PTPRG: variants seen among roughly 807,000 people sequenced by gnomAD.
PTPRG encodes the protein protein tyrosine phosphatase receptor type G.
PTPRG carries 102 observed loss-of-function variants against 165.3 expected under a neutral mutation model. The ratio of observed to expected loss-of-function variants is 0.62; its 90% CI spans 0.53 to 0.73. The LOEUF is 0.73. PTPRG is among the 30% of genes least tolerant of loss of function. PTPRG has a pLI of 0.00. For synonymous variants in PTPRG, 675 were observed against 669.5 expected (o/e 1.01, Z -0.13); for missense variants, 1,866 against 1,861.4 (o/e 1.00, Z -0.05).
intron 1 of PTPRG, among the ~76,000 whole-genome samples, chr3:61,718,851 A>T (rs1054184046): frequency 3.9e-5 from 6 of 152,162 alleles, no homozygotes; most frequent in Non-Finnish European, 8.8e-5. Context: ...GTTCAATGCT[A>T]TTGACTTCCC....
At chr3:61,653,239 C>T (rs1702409364) in intron 1 of PTPRG, among the ~76,000 whole-genome samples, 1 of 152,008 alleles carries the variant, frequency 6.6e-6, no homozygotes, top group Admixed American at 6.5e-5. Context: ...TTAGTCAAGA[C>T]ATCCTGTCTG....
At chr3:62,054,803 A>C (rs1275772586) in intron 4 of PTPRG, among the ~76,000 whole-genome samples, 1 of 152,208 alleles carries the variant, frequency 6.6e-6, no homozygotes, top group Non-Finnish European at 1.5e-5. Context: ...AGGGAATTCA[A>C]AGATGTGGTT....
intron 2 of PTPRG, among the ~76,000 whole-genome samples, chr3:61,901,857 A>G (rs2038506431): frequency 1.3e-5 from 2 of 152,236 alleles, no homozygotes; most frequent in Non-Finnish European, 2.9e-5. Context: ...ACTGCTAGAT[A>G]TCTGGACCTT....
At chr3:62,193,650 A>G (rs1181834600) in intron 9 of PTPRG, among the ~76,000 whole-genome samples, 1 of 152,206 alleles carries the variant, frequency 6.6e-6, no homozygotes. Flanking sequence ...CGCCTTTTCC[A>G]AACGAGATCA....
chr3:61,752,803 A>AAAAAAAAAAAAAAAAAAAAAAG (rs1559592577), intron 2 of PTPRG, among the ~76,000 whole-genome samples: 2 of 33,132 alleles, frequency 6.0e-5, no homozygotes, highest in Non-Finnish European at 9.2e-5. Context: ...AAAAAAAAAG[A>AAAAAAAAAAAAAAAAAAAAAAG]AAAAAAAAAA....
chr3:61,965,777 C>T (rs1455586364), intron 2 of PTPRG, among the ~76,000 whole-genome samples: 1 of 152,220 alleles, frequency 6.6e-6, no homozygotes, highest in Non-Finnish European at 1.5e-5. Flanking sequence ...TGCAATTATT[C>T]TCATTTTGTA....
intron 1 of PTPRG, among the ~76,000 whole-genome samples, chr3:61,643,505 C>T (rs112890380): frequency 0.021 from 3,126 of 152,226 alleles, 105 homozygotes; most frequent in African/African-American, 0.071. Flanking sequence ...ATTGGCTGGG[C>T]GCGGTGGCTC....
At chr3:61,578,123 C>G (rs2106789670) in intron 1 of PTPRG, among the ~76,000 whole-genome samples, 1 of 152,346 alleles carries the variant, frequency 6.6e-6, no homozygotes. Flanking sequence ...GCATTGATTT[C>G]TCCCTCTCCT....
chr3:61,636,303 A>G (rs754204139), intron 1 of PTPRG, among the ~76,000 whole-genome samples: 1 of 152,176 alleles, frequency 6.6e-6, no homozygotes, highest in Non-Finnish European at 1.5e-5. Context: ...CCCGAAAGAA[A>G]CCTTATACCC....
intron 3 of PTPRG, among the ~76,000 whole-genome samples, chr3:61,993,802 T>C (rs577867763): frequency 1.1e-4 from 16 of 152,346 alleles, no homozygotes; most frequent in Non-Finnish European, 2.4e-4. Flanking sequence ...GATGGAAATT[T>C]ACAGGTCACT....
chr3:62,087,792 ATAATTGCC>A (rs1701799884), intron 5 of PTPRG, among the ~76,000 whole-genome samples: 1 of 152,224 alleles, frequency 6.6e-6, no homozygotes, highest in Non-Finnish European at 1.5e-5. Flanking sequence ...TCATCTGCAT[ATAATTGCC>A]TTCAGGCCTC....
At chr3:61,942,960 G>A (rs963311853) in intron 2 of PTPRG, among the ~76,000 whole-genome samples, 1 of 152,170 alleles carries the variant, frequency 6.6e-6, no homozygotes, top group African/African-American at 2.4e-5. Context: ...CCTAGGATAT[G>A]CAGGCCAGTG....
chr3:61,851,291 ACTGT>A (rs2036957022), intron 2 of PTPRG, among the ~76,000 whole-genome samples: 1 of 152,192 alleles, frequency 6.6e-6, no homozygotes, highest in Non-Finnish European at 1.5e-5. Flanking sequence ...GAACTTTTTC[ACTGT>A]CTGTATTTCA....
At chr3:61,929,497 T>C (rs1265987326) in intron 2 of PTPRG, among the ~76,000 whole-genome samples, 1 of 152,256 alleles carries the variant, frequency 6.6e-6, no homozygotes, top group Middle Eastern at 3.2e-3. Flanking sequence ...TCTAGTTCTA[T>C]ATGCTTTTCA....
intron 1 of PTPRG, among the ~76,000 whole-genome samples, chr3:61,665,704 T>G (rs1452487343): frequency 6.6e-6 from 1 of 152,208 alleles, no homozygotes; most frequent in African/African-American, 2.4e-5. Flanking sequence ...GGCATGCACC[T>G]GTAGTCCCAA....
At chr3:62,239,352 T>TC (rs1701104809) in intron 14 of PTPRG, among the ~76,000 whole-genome samples, 3 of 150,772 alleles carry the variant, frequency 2.0e-5, no homozygotes, top group Non-Finnish European at 4.4e-5. Context: ...TTTCTTTCTT[T>TC]TTTCTTTCTT....
intron 2 of PTPRG, among the ~76,000 whole-genome samples, chr3:61,809,838 G>A (rs541515083): frequency 2.6e-5 from 4 of 152,282 alleles, no homozygotes; most frequent in African/African-American, 4.8e-5. Context: ...TTTTGAGCGG[G>A]TGCACAGCTA....
chr3:62,289,486 T>A (rs936017669), intron 28 of PTPRG, among the ~76,000 whole-genome samples: 1 of 152,104 alleles, frequency 6.6e-6, no homozygotes, highest in Non-Finnish European at 1.5e-5. Flanking sequence ...ATTTGAACAC[T>A]GATGCAAAAA....
chr3:62,255,023 C>A lies in PTPRG; in HGVS notation c.2468-101C>A. 2.0e-6 allele frequency: 2 copies of A among 1,011,576 alleles called. No individual in the cohort carries two copies. The highest frequency in any genetic ancestry group is 1.4e-6 in the Non-Finnish European group (1 of 690,284). The allele number at this position is 1,011,576 out of a possible 1,614,324, so 62.7% of individuals were successfully genotyped here. On this transcript the variant is annotated intron_variant, in intron 15 of 29. Coordinates refer to ENST00000474889, the MANE Select transcript of PTPRG (RefSeq NM_002841.4). This position sits in a 1 kb window ranked among gnomAD's most constrained non-coding sequence, Gnocchi z 4.0. ...TGTGATACAATTATTTTGCTCTTTGCAAAAATCAAGTATTTGTCTTAAGGA... is the reference window on the plus strand; with the variant it reads ...TGTGATACAATTATTTTGCTCTTTGAAAAAATCAAGTATTTGTCTTAAGGA...
Sources: gnomAD v4.1 joint callset for allele counts (sites outside exome capture counted in the v4.1 genomes callset) on GRCh38, gnomAD v4.1.1 for gene constraint, Gnocchi (gnomAD v3.1) non-coding constraint, MANE v1.5 for transcripts, NCBI Gene and HGNC (gene_info 2026-07-23, HGNC 2026-07-21) for gene names.